Variants in DIPK1C observed in about 807,000 individuals in gnomAD.
The protein encoded by DIPK1C is divergent protein kinase domain 1C, also known as familial non-conventional Alzheimer's dementia.
In DIPK1C, 33 loss-of-function variants were observed where a neutral mutation model predicts 28.0. The observed-to-expected ratio is 1.18, with a 90% CI of 0.89 to 1.58. The LOEUF is 1.58. Among genes scored for constraint, DIPK1C ranks in the 40% most tolerant of loss-of-function variants. The probability of loss-of-function intolerance (pLI) is 0.00; values close to 1 mark genes in which losing one functional copy is unlikely to be tolerated. For synonymous variants in DIPK1C, 255 were observed against 248.8 expected (o/e 1.02, Z -0.23); for missense variants, 569 against 568.5 (o/e 1.00, Z -0.01).
Position 74,435,473 on chromosome 18 carries a change from A to G in DIPK1C, c.*1028T>C, listed in dbSNP as rs1985966870. The G allele has an allele frequency of 6.6e-6, 1 of 152,216 alleles. No homozygotes were observed. The highest frequency in any genetic ancestry group is 2.1e-4 in the South Asian group (1 of 4,830). 9.4% of individuals were successfully genotyped at this position (152,216 alleles called of 1,614,324 possible). ...ATGCCTATCACTTGGTCTTCAATCC[A>G]TCAAAAGAAAGGTGCTGGTCTCTGG... On this transcript the variant is annotated 3_prime_UTR_variant, in exon 4 of 4. Transcript: ENST00000343998.
chr18:74,459,188 G>A (rs1157497542), upstream of DIPK1C, among the ~76,000 whole-genome samples: 2 of 152,236 alleles, frequency 1.3e-5, no homozygotes, highest in East Asian at 3.8e-4. Flanking sequence ...GGGAGTGCAG[G>A]AATGGGAAGA....
At chr18:74,438,830 G>C (rs1986055066) in intron 3 of DIPK1C, among the ~76,000 whole-genome samples, 1 of 152,172 alleles carries the variant, frequency 6.6e-6, no homozygotes, top group African/African-American at 2.4e-5. Flanking sequence ...GTGGGGCTGG[G>C]GTGTCTCTAT....
rs867085052 is a variant in DIPK1C at position 74,436,394 on chromosome 18, G to A, written c.*107C>T. ...CACTCCACAATGTGGAGACCAGAAC[G>A]GCACCCCAGAGAGCACAGGGGAAAT... On this transcript the variant is annotated 3_prime_UTR_variant, in exon 4 of 4. Transcript: ENST00000343998. The A allele has an allele frequency of 6.3e-6, 7 of 1,116,704 alleles. No homozygotes were observed. The highest frequency in any genetic ancestry group is 2.6e-5 in the East Asian group (1 of 38,688). 69.2% of individuals were successfully genotyped at this position (1,116,704 alleles called of 1,614,324 possible).
rs764951715 is a variant in DIPK1C, at chr18:74,436,179, C to T, written c.*322G>A. 2.4e-5 allele frequency: 8 copies of T among 339,994 alleles called. No individual in the cohort carries two copies. The highest frequency in any genetic ancestry group is 1.1e-4 in the East Asian group (2 of 18,692). 21.1% of individuals were successfully genotyped at this position (339,994 alleles called of 1,614,324 possible). A position where few individuals can be genotyped will look rare whatever the true frequency, so the allele number is the denominator to read the frequency against. The stretch of plus-strand genomic sequence containing the variant: ...TTTACAGGAAAGAACAGCTGGAACT[C>T]GTGCTGGGATAACCAGGTACAAGTG... On this transcript the variant is annotated 3_prime_UTR_variant, in exon 4 of 4. Transcript: ENST00000343998.
rs531240287 is a variant in DIPK1C, at chr18:74,439,637, G to A, written c.1041+2315C>T. Among the ~76,000 whole-genome samples, 7 of 152,146 alleles carry A rather than the reference G, an allele frequency of 4.6e-5. No individual in the cohort carries two copies. The South Asian group carries it at 1.5e-3, about 32-fold the overall frequency. ...TTGAGACCAGCCTGGACAACATAGT[G>A]AGACCATGTCTCTGCAAAAAATAAA... On this transcript the variant is annotated intron_variant, in intron 3 of 3. Coordinates refer to ENST00000343998, the MANE Select transcript of DIPK1C (RefSeq NM_001044369.3).
At chr18:74,452,797 G>A (rs1474016293) in intron 1 of DIPK1C, among the ~76,000 whole-genome samples, 1 of 151,942 alleles carries the variant, frequency 6.6e-6, no homozygotes, top group East Asian at 1.9e-4. Context: ...TGAAATAGCT[G>A]GGTTTTTTTT....
At chr18:74,453,074 T>C (rs2144529390) in intron 1 of DIPK1C, among the ~76,000 whole-genome samples, 1 of 152,344 alleles carries the variant, frequency 6.6e-6, no homozygotes, top group African/African-American at 2.4e-5. Flanking sequence ...TGTGAAAATA[T>C]CTACATTGAT....
intron 3 of DIPK1C, among the ~76,000 whole-genome samples, chr18:74,439,520 A>G: frequency 6.6e-6 from 1 of 152,216 alleles, no homozygotes; most frequent in Non-Finnish European, 1.5e-5. Flanking sequence ...TGGGTTCAAA[A>G]TGCAGAAAAT....
intron 2 of DIPK1C, among the ~76,000 whole-genome samples, chr18:74,444,112 G>A (rs1039200397): frequency 2.0e-5 from 3 of 151,632 alleles, no homozygotes; most frequent in Non-Finnish European, 4.4e-5. Flanking sequence ...AGTCCTTCCT[G>A]CATAAAATTA....
intron 2 of DIPK1C, among the ~76,000 whole-genome samples, chr18:74,445,786 C>G (rs1395544940): frequency 6.6e-6 from 1 of 152,204 alleles, no homozygotes; most frequent in African/African-American, 2.4e-5. Flanking sequence ...AAACCCATCC[C>G]GCACCCATGA....
At chr18:74,452,521 A>C (rs558817051) in intron 1 of DIPK1C, among the ~76,000 whole-genome samples, 1 of 152,110 alleles carries the variant, frequency 6.6e-6, no homozygotes, top group Admixed American at 6.5e-5. Context: ...AGGCAGGAGG[A>C]TCACTTGAGC....
intron 1 of DIPK1C, among the ~76,000 whole-genome samples, chr18:74,449,754 C>T (rs999366435): frequency 2.0e-5 from 3 of 152,160 alleles, no homozygotes; most frequent in African/African-American, 7.2e-5. Flanking sequence ...TTTGGAAACC[C>T]ACATCCTTTA....
At chr18:74,458,659 G>GGGTTTGGGTGTCACTCAATCAACAGCA (rs1555699885), upstream of DIPK1C, among the ~76,000 whole-genome samples, 2 of 11,374 alleles carry the variant, frequency 1.8e-4, no homozygotes, top group Non-Finnish European at 2.9e-4. Context: ...AATCAACAGC[G>GGGTTTGGGTGTCACTCAATCAACAGCA]GTAAGGCCAG....
chr18:74,442,453 A>C (rs555176050), intron 2 of DIPK1C, among the ~76,000 whole-genome samples: 9 of 152,046 alleles, frequency 5.9e-5, no homozygotes, highest in East Asian at 1.9e-4. Flanking sequence ...CTCAGCCTCC[A>C]GAGTAGCTGG....
intron 1 of DIPK1C, among the ~76,000 whole-genome samples, chr18:74,452,494 A>G (rs1599041764): frequency 6.6e-6 from 1 of 152,022 alleles, no homozygotes; most frequent in Non-Finnish European, 1.5e-5. Flanking sequence ...CCGTAATCCG[A>G]GCAGTTTGGG....
chr18:74,461,935 C>CT (rs1398164332), upstream of DIPK1C, among the ~76,000 whole-genome samples: 5 of 150,350 alleles, frequency 3.3e-5, no homozygotes, highest in Non-Finnish European at 5.9e-5. Context: ...GAAAAAAAAA[C>CT]TTTTTTGGTA....
In DIPK1C at chr18:74,435,660, C is replaced by G. The variant is rs369585381; in HGVS notation, c.*841G>C. The G allele has an allele frequency of 8.1e-4, 123 of 152,294 alleles. No homozygotes were observed. Among genetic ancestry groups the G allele is most frequent in the African/African-American group, 2.8e-3 (117 of 41,554 alleles). 9.4% of individuals were successfully genotyped at this position (152,294 alleles called of 1,614,324 possible). On this transcript the variant is annotated 3_prime_UTR_variant, in exon 4 of 4. Transcript: ENST00000343998. ...ACCCATCCATAACCTTGGTGGATTC[C>G]ACAAAATGAAAAATACTATAAGCTG...
In DIPK1C at chr18:74,441,938, G is replaced by A; in HGVS notation, c.1041+14C>T. ...AGCACCCTCTCCTCCCCCAGCCCTG[G>A]CGGACTCTCATACCTGCAGGTTGTT... is the stretch of plus-strand genomic sequence containing the variant. On this transcript the variant is annotated intron_variant, in intron 3 of 3. Coordinates refer to ENST00000343998, the MANE Select transcript of DIPK1C (RefSeq NM_001044369.3). 1 of 1,609,888 alleles carries A rather than the reference G, an allele frequency of 6.2e-7. No homozygotes were observed. Among genetic ancestry groups the A allele is most frequent in the South Asian group, 1.1e-5 (1 of 90,768 alleles).
Position 74,436,674 on chromosome 18 carries a change from T to C in DIPK1C, c.1087A>G (p.Lys363Glu). 1.2e-6 allele frequency: 2 copies of C among 1,613,898 alleles called. No individual in the cohort carries two copies. The highest frequency in any genetic ancestry group is 1.7e-6 in the Non-Finnish European group (2 of 1,179,978). Reference sequence around the variant, plus strand: ...AGCTGGAAAGAGACCGCAGAGCTCTTGAGAGGCGCGGAAAACCAATGGCGA... The same window carrying C: ...AGCTGGAAAGAGACCGCAGAGCTCTCGAGAGGCGCGGAAAACCAATGGCGA... ...IFRHWFSAPL[K>E]SSAVSFQLQL... The change falls in exon 4 of 4, where the codon AAG (lysine) becomes GAG (glutamate). Residue 363 changes from lysine to glutamate, a missense_variant. Coordinates refer to ENST00000343998, the MANE Select transcript of DIPK1C (RefSeq NM_001044369.3).
Sources: gnomAD v4.1 joint callset for allele counts (sites outside exome capture counted in the v4.1 genomes callset) on GRCh38, gnomAD v4.1.1 for gene constraint, MANE v1.5 for transcripts, NCBI Gene and HGNC (gene_info 2026-07-23, HGNC 2026-07-21) for gene names.